Variants in PPARGC1A observed in about 807,000 individuals in gnomAD.
PPARGC1A encodes the protein PPARG coactivator 1 alpha, also known as peroxisome proliferator-activated receptor gamma coactivator 1-alpha.
PPARGC1A carries 25 observed loss-of-function variants against 88.7 expected under a neutral mutation model. That is an observed-to-expected ratio of 0.28 (90% CI 0.21 to 0.39). The LOEUF is 0.39. Among genes scored for constraint, PPARGC1A ranks in the 10% least tolerant of loss-of-function variants. The probability of loss-of-function intolerance (pLI) is 1.00; values close to 1 mark genes in which losing one functional copy is unlikely to be tolerated. For missense variants in PPARGC1A, 880 were observed against 968.7 expected (o/e 0.91, Z 1.22); for synonymous variants, 363 against 355.6 (o/e 1.02, Z -0.24).
At chr4:23,972,598 C>T in the PPARGC1A span, among the ~76,000 whole-genome samples, 1 of 152,126 alleles carries the variant, frequency 6.6e-6, no homozygotes, top group Admixed American at 6.6e-5. Flanking sequence ...AAATCAAGGA[C>T]CTATGAGATA....
upstream of PPARGC1A, among the ~76,000 whole-genome samples, chr4:23,903,791 G>A (rs1226644459): frequency 6.6e-6 from 1 of 151,876 alleles, no homozygotes; most frequent in Non-Finnish European, 1.5e-5. Context: ...CCTCCACACT[G>A]ACAAACGAAC....
the PPARGC1A span, among the ~76,000 whole-genome samples, chr4:24,217,485 G>A: frequency 1.3e-5 from 2 of 152,094 alleles, no homozygotes; most frequent in African/African-American, 4.8e-5. Context: ...GTGACCATGG[G>A]GACAAGAGAA....
chr4:24,003,234 A>C, the PPARGC1A span, among the ~76,000 whole-genome samples: 1 of 152,180 alleles, frequency 6.6e-6, no homozygotes, highest in Non-Finnish European at 1.5e-5. Flanking sequence ...CCAGAGTGCA[A>C]TATTCTTTCC....
the PPARGC1A span, among the ~76,000 whole-genome samples, chr4:24,000,720 T>C: frequency 6.6e-6 from 1 of 152,192 alleles, no homozygotes; most frequent in Non-Finnish European, 1.5e-5. Context: ...CATCCACGAT[T>C]TGATGATAAA....
chr4:24,432,844 C>CG, the PPARGC1A span, among the ~76,000 whole-genome samples: 1 of 152,238 alleles, frequency 6.6e-6, no homozygotes, highest in African/African-American at 2.4e-5. Context: ...GGCCGCCTTG[C>CG]GGTTCCCCTG....
the PPARGC1A span, among the ~76,000 whole-genome samples, chr4:24,047,840 C>T: frequency 2.0e-3 from 300 of 152,266 alleles, 1 homozygote; most frequent in African/African-American, 6.8e-3. Flanking sequence ...ATGCTTAATG[C>T]CACTCTTAAT....
At chr4:23,834,946 A>G (rs1024794911) in intron 2 of PPARGC1A, among the ~76,000 whole-genome samples, 1 of 152,224 alleles carries the variant, frequency 6.6e-6, no homozygotes, top group Admixed American at 6.5e-5. Context: ...TTATCTAATA[A>G]TTTTAGAAAA....
At chr4:24,216,821 T>C in the PPARGC1A span, among the ~76,000 whole-genome samples, 1 of 152,188 alleles carries the variant, frequency 6.6e-6, no homozygotes, top group Non-Finnish European at 1.5e-5. Context: ...AGATTCTCCC[T>C]GAGAAGAGAG....
At chr4:24,119,336 G>A in the PPARGC1A span, among the ~76,000 whole-genome samples, 1,228 of 152,266 alleles carry the variant, frequency 8.1e-3, 6 homozygotes, top group Non-Finnish European at 0.014. Context: ...CATTCGGAAT[G>A]TCTCTCAAAA....
the PPARGC1A span, among the ~76,000 whole-genome samples, chr4:24,035,536 A>G: frequency 6.6e-6 from 1 of 152,022 alleles, no homozygotes; most frequent in Non-Finnish European, 1.5e-5. Flanking sequence ...ATGGAGCAAG[A>G]TTCTGTCTCA....
At chr4:24,435,256 T>C in the PPARGC1A span, among the ~76,000 whole-genome samples, 1 of 152,196 alleles carries the variant, frequency 6.6e-6, no homozygotes, top group African/African-American at 2.4e-5. Context: ...TCATCCTCCC[T>C]GTATCACCGA....
the PPARGC1A span, among the ~76,000 whole-genome samples, chr4:24,247,324 C>T: frequency 1.3e-5 from 2 of 152,094 alleles, no homozygotes; most frequent in Admixed American, 6.6e-5. Flanking sequence ...TATCAGTATG[C>T]TTCCATGATA....
At chr4:24,214,119 G>A in the PPARGC1A span, among the ~76,000 whole-genome samples, 19 of 152,226 alleles carry the variant, frequency 1.2e-4, no homozygotes, top group African/African-American at 4.6e-4. Flanking sequence ...ATTTGCGCTT[G>A]TTGTTTGTGG....
chr4:24,407,229 C>T, the PPARGC1A span, among the ~76,000 whole-genome samples: 1 of 152,180 alleles, frequency 6.6e-6, no homozygotes, highest in Admixed American at 6.5e-5. Flanking sequence ...CCATTTTGCT[C>T]ATTACTCTTC....
the PPARGC1A span, among the ~76,000 whole-genome samples, chr4:24,255,639 G>T: frequency 6.6e-6 from 1 of 152,122 alleles, no homozygotes; most frequent in African/African-American, 2.4e-5. Context: ...CGTAAATTTG[G>T]CCCAGGCTTT....
the PPARGC1A span, among the ~76,000 whole-genome samples, chr4:24,055,744 C>T: frequency 3.0e-4 from 46 of 152,244 alleles, no homozygotes; most frequent in Admixed American, 1.2e-3. Context: ...CTGGGCCAGG[C>T]CCCTGGATTT....
chr4:24,026,650 T>C, the PPARGC1A span, among the ~76,000 whole-genome samples: 9 of 151,630 alleles, frequency 5.9e-5, no homozygotes, highest in East Asian at 3.9e-4. Flanking sequence ...TAGGAGAAAA[T>C]TGGCAAGTTT....
the PPARGC1A span, among the ~76,000 whole-genome samples, chr4:24,028,065 G>A: frequency 2.6e-5 from 4 of 151,810 alleles, no homozygotes; most frequent in Admixed American, 6.6e-5. Flanking sequence ...GGCCTTCAAC[G>A]AAAATGGAAA....
the PPARGC1A span, among the ~76,000 whole-genome samples, chr4:24,222,312 A>G: frequency 6.6e-6 from 1 of 152,198 alleles, no homozygotes; most frequent in South Asian, 2.1e-4. Context: ...TTAAGAAAAC[A>G]GTCTCAAAGC....
Sources: allele counts gnomAD v4.1 joint callset (sites outside exome capture counted in the v4.1 genomes callset), GRCh38; gene constraint gnomAD v4.1.1; transcripts MANE v1.5; gene names NCBI Gene and HGNC (gene_info 2026-07-23, HGNC 2026-07-21).